SLC61A1: variants seen among roughly 807,000 people sequenced by gnomAD.
SLC61A1 encodes major facilitator superfamily domain containing 5.
chr12:53,253,650 C>A, the SLC61A1 span: 1 of 1,613,984 alleles, frequency 6.2e-7, no homozygotes, highest in Non-Finnish European at 8.5e-7. Flanking sequence ...CTCTGGACAC[C>A]TGTGCTGGAC....
At chr12:53,253,496 A>T in the SLC61A1 span, 1 of 1,614,010 alleles carries the variant, frequency 6.2e-7, no homozygotes, top group African/African-American at 1.3e-5. Context: ...GGCCCTTCGA[A>T]ACTGGGGGGA....
chr12:53,253,500 G>A, the SLC61A1 span: 2 of 1,614,098 alleles, frequency 1.2e-6, no homozygotes, highest in East Asian at 4.5e-5. Flanking sequence ...CTTCGAAACT[G>A]GGGGGAGAAC....
At chr12:53,254,000 G>C in the SLC61A1 span, 1 of 1,614,176 alleles carries the variant, frequency 6.2e-7, no homozygotes, top group Non-Finnish European at 8.5e-7. Context: ...GCACTCACTG[G>C]CTTGCCTAGG....
the SLC61A1 span, chr12:53,252,397 T>C: frequency 7.7e-7 from 1 of 1,292,000 alleles, no homozygotes; most frequent in Non-Finnish European, 9.8e-7. Flanking sequence ...CTGAAGCAAC[T>C]CGAGAGGCCT....
chr12:53,251,783 C>T, the SLC61A1 span: 2 of 1,537,236 alleles, frequency 1.3e-6, no homozygotes, highest in Non-Finnish European at 1.7e-6. Context: ...ACCTTCTCGG[C>T]TTCGGGCAGC....
chr12:53,252,125 A>G, the SLC61A1 span: 1 of 1,441,480 alleles, frequency 6.9e-7, no homozygotes, highest in South Asian at 1.5e-5. Context: ...CGGCGGCCAG[A>G]GGCCTGCCCG....
At chr12:53,252,335 T>TG in the SLC61A1 span, 3 of 1,351,320 alleles carry the variant, frequency 2.2e-6, no homozygotes, top group African/African-American at 4.6e-5. Context: ...GGGGGCGCAG[T>TG]GGGGTGCCAG....
At chr12:53,252,118 C>T in the SLC61A1 span, 4 of 1,446,130 alleles carry the variant, frequency 2.8e-6, no homozygotes, top group Admixed American at 1.1e-4. Flanking sequence ...ATCATGGCGG[C>T]GGCCAGAGGC....
the SLC61A1 span, chr12:53,253,531 C>G: frequency 6.2e-7 from 1 of 1,614,184 alleles, no homozygotes; most frequent in Non-Finnish European, 8.5e-7. Flanking sequence ...AGCGTGCCTT[C>G]TCAAGGACCT....
the SLC61A1 span, chr12:53,252,537 G>A: frequency 7.3e-7 from 1 of 1,371,228 alleles, no homozygotes; most frequent in Non-Finnish European, 9.4e-7. Context: ...TAGAATTTGC[G>A]GGAGCGGGAT....
the SLC61A1 span, chr12:53,253,839 C>G: frequency 6.2e-7 from 1 of 1,614,224 alleles, no homozygotes. Context: ...TCTACCAGCC[C>G]AGGCCAGGAG....
chr12:53,253,463 C>G, the SLC61A1 span: 1 of 1,614,104 alleles, frequency 6.2e-7, no homozygotes, highest in Non-Finnish European at 8.5e-7. Context: ...TGCCATCCCT[C>G]TCCTGGCTCT....
chr12:53,254,117 A>G, the SLC61A1 span: 1 of 1,614,112 alleles, frequency 6.2e-7, no homozygotes, highest in Non-Finnish European at 8.5e-7. Flanking sequence ...GGGACTCTTC[A>G]CCGTGGTAAG....
the SLC61A1 span, chr12:53,252,888 G>A: frequency 6.2e-7 from 1 of 1,614,132 alleles, no homozygotes; most frequent in Non-Finnish European, 8.5e-7. Context: ...TCCTGCCTGG[G>A]GCTGGAACTG....
At chr12:53,252,364 C>G in the SLC61A1 span, 2 of 1,330,688 alleles carry the variant, frequency 1.5e-6, no homozygotes, top group Non-Finnish European at 1.9e-6. Context: ...AGGAGTGGGC[C>G]TCTGAGATGC....
At chr12:53,252,463 G>A in the SLC61A1 span, 4 of 1,295,060 alleles carry the variant, frequency 3.1e-6, no homozygotes, top group African/African-American at 4.5e-5. Flanking sequence ...GCAAAAAGAG[G>A]CTCCGCAGCG....
At chr12:53,252,823 C>G in the SLC61A1 span, 2 of 1,613,336 alleles carry the variant, frequency 1.2e-6, no homozygotes, top group South Asian at 2.2e-5. Context: ...CCCAGGTCGT[C>G]CGGGGGCCCA....
chr12:53,252,033 C>G, the SLC61A1 span: 71 of 348,666 alleles, frequency 2.0e-4, no homozygotes, highest in South Asian at 3.5e-4. Context: ...GTTCCGCGCC[C>G]GGGTAAGGGA....
chr12:53,254,036 C>G, the SLC61A1 span: 1 of 1,614,156 alleles, frequency 6.2e-7, no homozygotes, highest in Admixed American at 1.7e-5. Flanking sequence ...TGACAGTGAT[C>G]GAAAAACAGG....
Sources: gnomAD v4.1 joint callset for allele counts on GRCh38, gnomAD v4.1.1 for gene constraint, MANE v1.5 for transcripts, NCBI Gene and HGNC (gene_info 2026-07-23, HGNC 2026-07-21) for gene names.